The following THSD7B variants were observed in gnomAD, a reference collection of about 807,000 sequenced individuals.
THSD7B encodes the protein thrombospondin type 1 domain containing 7B, also known as thrombospondin type-1 domain-containing protein 7B.
In THSD7B, 138 loss-of-function variants were observed where a neutral mutation model predicts 213.6. The observed-to-expected ratio is 0.65, with a 90% CI of 0.56 to 0.74. THSD7B has a LOEUF of 0.74. Ranked by LOEUF, THSD7B falls within the 30% of genes least tolerant of loss-of-function variation. THSD7B has a pLI of 0.00. For synonymous variants in THSD7B, 742 were observed against 687.0 expected, an observed-to-expected ratio of 1.08 and a Z score of -1.25; for missense variants, 1,931 against 1,991.5, an observed-to-expected ratio of 0.97 and a Z score of 0.58.
At chr2:137,226,602 G>T (rs914093951) in intron 7 of THSD7B, among the ~76,000 whole-genome samples, 6 of 151,720 alleles carry the variant, frequency 4.0e-5, no homozygotes, top group Non-Finnish European at 2.9e-5. Context: ...TGATTCTGCT[G>T]GAAATGGGCA....
intron 4 of THSD7B, among the ~76,000 whole-genome samples, chr2:137,113,792 T>C (rs1688396803): frequency 6.6e-6 from 1 of 152,008 alleles, no homozygotes; most frequent in African/African-American, 2.4e-5. Flanking sequence ...AAGTCTGCAC[T>C]CCAAACTCTT....
chr2:137,253,616 A>G (rs1261402815), intron 10 of THSD7B, among the ~76,000 whole-genome samples: 4 of 152,152 alleles, frequency 2.6e-5, no homozygotes, highest in African/African-American at 7.2e-5. Flanking sequence ...TTATTTGTCG[A>G]TAGAGGTAAA....
chr2:137,429,975 G>T (rs1201756779), intron 14 of THSD7B, among the ~76,000 whole-genome samples: 1 of 152,144 alleles, frequency 6.6e-6, no homozygotes, highest in Non-Finnish European at 1.5e-5. Flanking sequence ...AGGTGCAGTG[G>T]CTCACACATG....
chr2:137,059,975 A>G (rs1687241758), intron 3 of THSD7B, among the ~76,000 whole-genome samples: 1 of 152,172 alleles, frequency 6.6e-6, no homozygotes, highest in African/African-American at 2.4e-5. Context: ...TGGCTGTGCC[A>G]CTTTGCAATG....
At chr2:136,960,437 C>T (rs1685196364) in intron 2 of THSD7B, among the ~76,000 whole-genome samples, 1 of 152,108 alleles carries the variant, frequency 6.6e-6, no homozygotes, top group Non-Finnish European at 1.5e-5. Flanking sequence ...CTGTGCTTGG[C>T]CTGGAATGGT....
intron 3 of THSD7B, among the ~76,000 whole-genome samples, chr2:137,068,420 C>A (rs1015251918): frequency 1.3e-5 from 2 of 151,982 alleles, no homozygotes; most frequent in African/African-American, 4.8e-5. Flanking sequence ...TAGATGAGGA[C>A]ATTTCTACTT....
At chr2:137,463,439 A>G (rs1438104323) in intron 15 of THSD7B, among the ~76,000 whole-genome samples, 2 of 151,940 alleles carry the variant, frequency 1.3e-5, no homozygotes, top group Admixed American at 6.6e-5. Context: ...AGTCTGAAAC[A>G]AACTCAACTT....
intron 12 of THSD7B, among the ~76,000 whole-genome samples, chr2:137,405,412 A>G (rs953393499): frequency 1.3e-5 from 2 of 152,142 alleles, no homozygotes; most frequent in South Asian, 2.1e-4. Context: ...AATGAAACCA[A>G]TTAAATCCTC....
At chr2:137,283,767 T>C (rs1488021546) in intron 12 of THSD7B, among the ~76,000 whole-genome samples, 2 of 152,186 alleles carry the variant, frequency 1.3e-5, no homozygotes, top group Non-Finnish European at 2.9e-5. Flanking sequence ...TCATGGTGGA[T>C]AAGCTTTTTG....
chr2:137,263,836 A>G (rs1237228122), intron 10 of THSD7B, among the ~76,000 whole-genome samples: 1 of 152,196 alleles, frequency 6.6e-6, no homozygotes, highest in African/African-American at 2.4e-5. Context: ...CTTCCTACTC[A>G]TAGTTCTACT....
At chr2:137,453,606 G>A (rs1687700536) in intron 15 of THSD7B, among the ~76,000 whole-genome samples, 1 of 152,060 alleles carries the variant, frequency 6.6e-6, no homozygotes, top group Non-Finnish European at 1.5e-5. Flanking sequence ...TGGGATTACA[G>A]GCGTGAGCTA....
chr2:137,022,132 AAT>A (rs1369825259), intron 2 of THSD7B, among the ~76,000 whole-genome samples: 26 of 152,194 alleles, frequency 1.7e-4, no homozygotes, highest in African/African-American at 6.3e-4. Flanking sequence ...GGCTACGATG[AAT>A]AAAACTATAG....
chr2:136,836,930 A>G (rs970997009), intron 1 of THSD7B, among the ~76,000 whole-genome samples: 1 of 152,146 alleles, frequency 6.6e-6, no homozygotes, highest in Non-Finnish European at 1.5e-5. Context: ...CCAGGCCAAA[A>G]ACCTGAGAAT....
chr2:137,330,377 G>A (rs1049535959), intron 12 of THSD7B, among the ~76,000 whole-genome samples: 1 of 152,144 alleles, frequency 6.6e-6, no homozygotes, highest in African/African-American at 2.4e-5. Flanking sequence ...AGACACTAAA[G>A]CCAGTCTGTG....
At chr2:136,835,740 T>C (rs1682831774) in intron 1 of THSD7B, among the ~76,000 whole-genome samples, 1 of 152,216 alleles carries the variant, frequency 6.6e-6, no homozygotes, top group African/African-American at 2.4e-5. Context: ...AAGATTAATA[T>C]ATATTAGTCC....
chr2:137,627,793 A>G lies in THSD7B; in HGVS notation c.3799+7067A>G, dbSNP rs352174. ...GGGAATTGCAATGTCCAACAATAAT[A>G]TGTAATTTCTTGCACAAATGAGAGC... is the stretch of plus-strand genomic sequence containing the variant. On this transcript the variant is annotated intron_variant, in intron 20 of 27. Transcript: ENST00000409968. 2.2e-3 allele frequency among the ~76,000 whole-genome samples: 332 copies of G among 152,300 alleles called. 1 individual carries two copies. Among genetic ancestry groups the G allele is most frequent in the African/African-American group, 6.7e-3 (280 of 41,554 alleles).
chr2:137,064,353 T>C (rs1243494672), intron 3 of THSD7B, among the ~76,000 whole-genome samples: 1 of 152,002 alleles, frequency 6.6e-6, no homozygotes, highest in Non-Finnish European at 1.5e-5. Context: ...TAAATTGTAT[T>C]ATTATATTTT....
chr2:137,392,959 C>T (rs868507701), intron 12 of THSD7B, among the ~76,000 whole-genome samples: 1 of 151,826 alleles, frequency 6.6e-6, no homozygotes, highest in African/African-American at 2.4e-5. Flanking sequence ...TGGTAAATAT[C>T]AACCTTTCAT....
chr2:137,611,755 A>G (rs1264981001), intron 17 of THSD7B, among the ~76,000 whole-genome samples: 1 of 152,176 alleles, frequency 6.6e-6, no homozygotes, highest in African/African-American at 2.4e-5. Context: ...ACTTTCTCAG[A>G]GGCAACTTAG....
Sources: allele counts gnomAD v4.1 joint callset (sites outside exome capture counted in the v4.1 genomes callset), GRCh38; gene constraint gnomAD v4.1.1; transcripts MANE v1.5; gene names NCBI Gene and HGNC (gene_info 2026-07-23, HGNC 2026-07-21).